The following ERLEC1 variants were observed in gnomAD, a reference collection of about 807,000 sequenced individuals.
ERLEC1 encodes ER lectin.
ERLEC1 carries 47 observed loss-of-function variants against 68.0 expected under a neutral mutation model. The ratio of observed to expected loss-of-function variants is 0.69; its 90% CI spans 0.55 to 0.88. The LOEUF (loss-of-function observed/expected upper bound fraction) is 0.88, where lower values mean the gene tolerates loss of function less well. ERLEC1 is among the 40% of genes least tolerant of loss of function. The pLI, the probability that ERLEC1 is intolerant of heterozygous loss-of-function variation, is 0.00. For synonymous variants in ERLEC1, 225 were observed against 203.2 expected, an observed-to-expected ratio of 1.11 and a Z score of -0.91; for missense variants, 567 against 583.8, an observed-to-expected ratio of 0.97 and a Z score of 0.30.
Position 53,801,803 on chromosome 2 carries a change from G to C in ERLEC1, c.840G>C (p.Gln280His). ...KPLTLRQLEQ[Q>H]EEILRVPFRR... is the part of the protein sequence containing the mutation. ...TCACCCTGAGGCAGCTGGAGCAGCA[G>C]GAAGAAATACTAAGGGTGCCTTTTA... Residue 280 changes from glutamine (Q) to histidine (H), a missense_variant, in exon 8 of 14, where the codon CAG (glutamine) becomes CAC (histidine). Transcript: ENST00000185150. The C allele has an allele frequency of 6.2e-7, 1 of 1,613,880 alleles. No homozygotes were observed. Among genetic ancestry groups the C allele is most frequent in the Non-Finnish European group, 8.5e-7 (1 of 1,179,842 alleles).
intron 1 of ERLEC1, among the ~76,000 whole-genome samples, chr2:53,792,914 G>GCGGGAGGATCACCTGAGTC (rs1279813932): frequency 6.6e-6 from 1 of 152,036 alleles, no homozygotes; most frequent in Non-Finnish European, 1.5e-5. Context: ...GGAGGCTAAG[G>GCGGGAGGATCACCTGAGTC]CGGGAGGATC....
intron 13 of ERLEC1, among the ~76,000 whole-genome samples, 157 bp downstream of exon 13, chr2:53,815,092 G>A: frequency 7.2e-6 from 1 of 138,020 alleles, no homozygotes; most frequent in Non-Finnish European, 1.5e-5. Context: ...TGCAACCTCT[G>A]CCTCCCAGGT....
chr2:53,796,889 CTTTTTTTTTTTTT>C (rs958244464), intron 3 of ERLEC1, among the ~76,000 whole-genome samples: 10 of 117,238 alleles, frequency 8.5e-5, no homozygotes, highest in African/African-American at 3.1e-4. Flanking sequence ...TTTTCTTTTT[CTTTTTTTTTTTTT>C]TTTTTTTGAG....
intron 1 of ERLEC1, among the ~76,000 whole-genome samples, chr2:53,792,614 G>C (rs1675470519): frequency 6.6e-6 from 1 of 152,166 alleles, no homozygotes; most frequent in Non-Finnish European, 1.5e-5. Flanking sequence ...AACTAATACA[G>C]CTAGTACTTA....
At chr2:53,812,906 T>C (rs1316837620) in intron 10 of ERLEC1, 43 bp from the exon 11 acceptor site, 2 of 1,594,548 alleles carry the variant, frequency 1.3e-6, no homozygotes, top group African/African-American at 1.4e-5. Context: ...ATCTACTTGA[T>C]GATATCAAGC....
At chr2:53,787,844 AC>A (rs1675148977) in intron 1 of ERLEC1, among the ~76,000 whole-genome samples, 1 of 152,178 alleles carries the variant, frequency 6.6e-6, no homozygotes, top group Non-Finnish European at 1.5e-5. Context: ...ACACGGACAT[AC>A]GCAAACGCAC....
At position 53,787,125 on chromosome 2, in the gene ERLEC1, GCCTCCTCCTCCACCTCCTCCT is replaced by G. The variant is rs1399953535; in HGVS notation, c.-75_-55del. The G allele has an allele frequency of 1.2e-4, 80 of 661,154 alleles. 1 individual carries two copies. In the African/African-American group the frequency reaches 1.4e-3, roughly 12 times the overall value. 41.0% of individuals were successfully genotyped at this position (661,154 alleles called of 1,614,324 possible). A position where few individuals can be genotyped will look rare whatever the true frequency, so the allele number is the denominator to read the frequency against. On this transcript the variant is annotated 5_prime_UTR_variant, in exon 1 of 14. Transcript: ENST00000185150. ...TACCCGGGCGCTTTATAGTCCCGCC[GCCTCCTCCTCCACCTCCTCCT>G]CCTCCTCCTCTCCTCCTGGAGCAGA...
At chr2:53,809,094 T>G in intron 9 of ERLEC1, 120 bp from the exon 10 acceptor site, 1 of 689,904 alleles carries the variant, frequency 1.4e-6, no homozygotes, top group South Asian at 1.9e-5. Context: ...CTTTTAATAT[T>G]CAACCATACT....
chr2:53,796,065 A>G (rs755782838), intron 3 of ERLEC1, 52 bp downstream of exon 3: 5 of 1,223,386 alleles, frequency 4.1e-6, no homozygotes, highest in Non-Finnish European at 5.8e-6. Context: ...CCAACAGCCA[A>G]CAGACCTTTG....
At position 53,794,487 on chromosome 2, in the gene ERLEC1, A is replaced by G. The variant is rs745562223; in HGVS notation, c.267+38A>G. The G allele has an allele frequency of 4.3e-6, 4 of 940,416 alleles. No homozygotes were observed. The African/African-American group carries it at 6.7e-5, about 16-fold the overall frequency. 58.3% of individuals were successfully genotyped at this position (940,416 alleles called of 1,614,324 possible). A position where few individuals can be genotyped will look rare whatever the true frequency, so the allele number is the denominator to read the frequency against. ...AAATATATTGATAATCCTGTCACCA[A>G]AAATATTTATGTAAAACATTGTAAC... On this transcript the variant is annotated intron_variant, in intron 2 of 13. Coordinates refer to ENST00000185150, the MANE Select transcript of ERLEC1 (RefSeq NM_015701.5).
In ERLEC1 at chr2:53,799,062, A is replaced by C. The variant is rs147617660; in HGVS notation, c.506A>C (p.Glu169Ala). The C allele has an allele frequency of 1.2e-6, 2 of 1,612,546 alleles. No homozygotes were observed. The highest frequency in any genetic ancestry group is 1.7e-5 in the Admixed American group (1 of 59,946). ...TATTCCACAGAACGAGAAGCAGAAG[A>C]AAAGGAAAAATCAAATGAGGCAAGT... ...LLFEKEREAE[E>A]KEKSNEIPTK... Residue 169 changes from glutamate to alanine, a missense_variant, in exon 6 of 14, where the codon GAA (glutamate) becomes GCA (alanine). Physicochemically the swap from Glu to Ala is moderately radical, Grantham distance 107 (BLOSUM62 -1). Coordinates refer to ENST00000185150, the MANE Select transcript of ERLEC1 (RefSeq NM_015701.5).
chr2:53,800,956 G>T (rs1171818049), intron 6 of ERLEC1, among the ~76,000 whole-genome samples: 1 of 151,610 alleles, frequency 6.6e-6, no homozygotes, highest in Non-Finnish European at 1.5e-5. Flanking sequence ...CTATTTTTTG[G>T]CAAATCAGCC....
In ERLEC1 at chr2:53,815,010, T is replaced by TTG. The variant is rs1553393691; in HGVS notation, c.1380+76_1380+77insGT. The TTG allele has an allele frequency of 8.1e-6, 8 of 987,292 alleles. No homozygotes were observed. In the Admixed American group the frequency reaches 1.1e-4, roughly 13 times the overall value. 61.2% of individuals were successfully genotyped at this position (987,292 alleles called of 1,614,324 possible). On this transcript the variant is annotated intron_variant, in intron 13 of 13. Coordinates refer to ENST00000185150, the MANE Select transcript of ERLEC1 (RefSeq NM_015701.5). ...ATTTTTTTTTCTTTTTTTTTTTTTT[T>TTG]TTTTTTGTTTTTTTGAGACGGAGTC...
chr2:53,787,603 T>G (rs1675124056), intron 1 of ERLEC1: 2 of 419,820 alleles, frequency 4.8e-6, no homozygotes, highest in Non-Finnish European at 8.3e-6. Context: ...CTCTCCACCT[T>G]TTCAATTCTG....
intron 8 of ERLEC1, among the ~76,000 whole-genome samples, chr2:53,802,310 C>G (rs1483910973): frequency 8.6e-5 from 13 of 152,034 alleles, no homozygotes. Flanking sequence ...TCATTTTTTT[C>G]TCTTTCATAC....
intron 3 of ERLEC1, 54 bp downstream of exon 3, chr2:53,796,067 A>C (rs1675679919): frequency 4.1e-6 from 5 of 1,208,860 alleles, no homozygotes; most frequent in Non-Finnish European, 5.9e-6. Context: ...AACAGCCAAC[A>C]GACCTTTGAA....
chr2:53,811,005 A>T (rs1676565475), intron 10 of ERLEC1, among the ~76,000 whole-genome samples: 2 of 152,192 alleles, frequency 1.3e-5, no homozygotes, highest in Non-Finnish European at 1.5e-5. Context: ...AAAAAGTTTA[A>T]CTACTGTTAA....
At chr2:53,802,863 C>T (rs1479243382) in intron 8 of ERLEC1, among the ~76,000 whole-genome samples, 2 of 152,178 alleles carry the variant, frequency 1.3e-5, no homozygotes, top group African/African-American at 4.8e-5. Context: ...TTTCAAAGTG[C>T]TGGGATTACA....
intron 2 of ERLEC1, among the ~76,000 whole-genome samples, chr2:53,795,238 C>G (rs923619902): frequency 6.6e-6 from 1 of 152,130 alleles, no homozygotes; most frequent in African/African-American, 2.4e-5. Context: ...GGAAGGACAC[C>G]GGCCTAGGAG....
Sources: gnomAD v4.1 joint callset for allele counts (sites outside exome capture counted in the v4.1 genomes callset) on GRCh38, gnomAD v4.1.1 for gene constraint, MANE v1.5 for transcripts, NCBI Gene and HGNC (gene_info 2026-07-23, HGNC 2026-07-21) for gene names.